Variants in LEPROT observed in about 807,000 individuals in gnomAD.
The protein encoded by LEPROT is leptin receptor overlapping transcript.
LEPROT carries 3 observed loss-of-function variants against 15.4 expected under a neutral mutation model. The observed-to-expected ratio is 0.19, with a 90% CI of 0.09 to 0.50. The LOEUF (loss-of-function observed/expected upper bound fraction) is 0.50. LEPROT is among the 20% of genes least tolerant of loss of function. The pLI, the probability that LEPROT is intolerant of heterozygous loss-of-function variation, is 0.97. For synonymous variants in LEPROT, 59 were observed against 57.5 expected (o/e 1.03, Z -0.12); for missense variants, 137 against 162.2 (o/e 0.84, Z 0.84).
intron 1 of LEPROT, 85 bp downstream of exon 1, chr1:65,420,825 G>A (rs1353104068): frequency 1.0e-5 from 15 of 1,499,022 alleles, no homozygotes; most frequent in Non-Finnish European, 1.3e-5. Context: ...CCTTCCGCGC[G>A]CCGTTGGGGA....
chr1:65,422,613 G>A (rs1332253517), intron 1 of LEPROT, among the ~76,000 whole-genome samples: 1 of 152,228 alleles, frequency 6.6e-6, no homozygotes, highest in Non-Finnish European at 1.5e-5. Flanking sequence ...GAATCTGAAG[G>A]GATCAATGTG....
chr1:65,421,250 G>A, intron 1 of LEPROT: 1 of 1,403,014 alleles, frequency 7.1e-7, no homozygotes, highest in Non-Finnish European at 9.4e-7. Context: ...GAAAGACGGT[G>A]TTTCTCGCAG....
Position 65,431,803 on chromosome 1 carries a change from A to G in LEPROT, c.280A>G (p.Ile94Val), listed in dbSNP as rs756872309. ...FPVILARVAV[I>V]KWGACGLVLA... ...TAATCCTTCTTTTCTTGTCTTTCAG[A>G]TCAAATGGGGAGCCTGCGGCCTTGT... Residue 94 changes from isoleucine (I) to valine (V), a missense_variant and splice_region_variant, in exon 4 of 4, where the codon ATC (isoleucine) becomes GTC (valine). Transcript: ENST00000371065. 3.7e-6 allele frequency: 6 copies of G among 1,612,274 alleles called. No individual in the cohort carries two copies. In the South Asian group the frequency reaches 6.6e-5, roughly 18 times the overall value.
Position 65,435,845 on chromosome 1 carries a change from T to A in LEPROT, c.*3926T>A, listed in dbSNP as rs1646555756. The A allele has an allele frequency of 1.0e-6, 1 of 982,976 alleles. No homozygotes were observed. The highest frequency in any genetic ancestry group is 6.1e-5 in the Admixed American group (1 of 16,274). 60.9% of individuals were successfully genotyped at this position (982,976 alleles called of 1,614,324 possible). A position where few individuals can be genotyped will look rare whatever the true frequency, so the allele number is the denominator to read the frequency against. On this transcript the variant is annotated 3_prime_UTR_variant, in exon 4 of 4. Transcript: ENST00000371065. ...ATTTAATTCTCCTTTTTCCATTTTGTCTCATGAAGTACCTTATTGCAAAAA... is the reference window on the plus strand; with the variant it reads ...ATTTAATTCTCCTTTTTCCATTTTGACTCATGAAGTACCTTATTGCAAAAA...
rs1168798781 is a variant in LEPROT, at chr1:65,433,930, A to G, written c.*2011A>G. 4.1e-6 allele frequency: 4 copies of G among 985,080 alleles called. No homozygotes were observed. The highest frequency in any genetic ancestry group is 1.7e-5 in the African/African-American group (1 of 57,224). 61.0% of individuals were successfully genotyped at this position (985,080 alleles called of 1,614,324 possible). A position where few individuals can be genotyped will look rare whatever the true frequency, so the allele number is the denominator to read the frequency against. ...AATCTGTCCTAACAGAACAGTAGCA[A>G]TAAGTTTTAGGATACCATCTTGAAT... On this transcript the variant is annotated 3_prime_UTR_variant, in exon 4 of 4. Transcript: ENST00000371065.
Position 65,431,901 on chromosome 1 carries a change from T to C in LEPROT, c.378T>C (p.Phe126=), listed in dbSNP as rs373533129. Residue 126 remains phenylalanine (F), a synonymous_variant, in exon 4 of 4, where the codon TTT becomes TTC. Transcript: ENST00000371065. The part of the protein sequence containing the change: ...FFLIFGRGDD[F]SWEQW ...TTATATTTGGAAGAGGAGATGATTT[T>C]AGCTGGGAGCAGTGGTAGCACTTTA... 1.1e-5 allele frequency: 17 copies of C among 1,613,952 alleles called. No individual in the cohort carries two copies. The Admixed American group carries it at 2.7e-4, about 25-fold the overall frequency.
At chr1:65,429,133 C>T (rs1281647381) in intron 2 of LEPROT, among the ~76,000 whole-genome samples, 2 of 152,022 alleles carry the variant, frequency 1.3e-5, no homozygotes, top group African/African-American at 4.8e-5. Flanking sequence ...GTGGTATGTT[C>T]GAGGGTGACC....
intron 2 of LEPROT, among the ~76,000 whole-genome samples, chr1:65,427,299 C>T (rs1484054055): frequency 6.6e-6 from 1 of 152,100 alleles, no homozygotes; most frequent in Non-Finnish European, 1.5e-5. Flanking sequence ...AGAGCCCGGC[C>T]GTGGTGGCTC....
In LEPROT at chr1:65,435,322, C is replaced by A; in HGVS notation, c.*3403C>A. ...ATGTTAATAACCTTCTTTATGTTCT[C>A]AGGGAAATGCTTAGGTGGTGTCACA... On this transcript the variant is annotated 3_prime_UTR_variant, in exon 4 of 4. Coordinates refer to ENST00000371065, the MANE Select transcript of LEPROT (RefSeq NM_017526.5). 1 of 982,306 alleles carries A rather than the reference C, an allele frequency of 1.0e-6. No individual in the cohort carries two copies. Among genetic ancestry groups the A allele is most frequent in the Non-Finnish European group, 1.2e-6 (1 of 827,898 alleles). 60.8% of individuals were successfully genotyped at this position (982,306 alleles called of 1,614,324 possible).
intron 2 of LEPROT, among the ~76,000 whole-genome samples, chr1:65,429,551 C>A (rs945272714): frequency 6.6e-6 from 1 of 152,138 alleles, no homozygotes; most frequent in African/African-American, 2.4e-5. Context: ...ATAGGGAAGG[C>A]AGAAATGACC....
At chr1:65,423,887 A>G (rs922864739) in intron 1 of LEPROT, among the ~76,000 whole-genome samples, 4 of 152,260 alleles carry the variant, frequency 2.6e-5, no homozygotes, top group African/African-American at 9.6e-5. Context: ...GAACATTGCT[A>G]AAATGAGTAG....
rs1334951927 is a variant in LEPROT, at chr1:65,433,150, C to A, written c.*1231C>A. Reference sequence around the variant, plus strand: ...TTCCTTTATGATCTGGCACTTCTCCCCAGCTCCTTCCCTCTGCCCCCCACC... The same window carrying A: ...TTCCTTTATGATCTGGCACTTCTCCACAGCTCCTTCCCTCTGCCCCCCACC... On this transcript the variant is annotated 3_prime_UTR_variant, in exon 4 of 4. Transcript: ENST00000371065. 2.0e-6 allele frequency: 2 copies of A among 985,344 alleles called. No individual in the cohort carries two copies. Among genetic ancestry groups the A allele is most frequent in the Non-Finnish European group, 2.4e-6 (2 of 829,996 alleles). 61.0% of individuals were successfully genotyped at this position (985,344 alleles called of 1,614,324 possible).
rs1398024969 is a variant in LEPROT at position 65,431,925 on chromosome 1, T to C, written c.*6T>C. 2 of 1,612,692 alleles carry C rather than the reference T, an allele frequency of 1.2e-6. No individual in the cohort carries two copies. Among genetic ancestry groups the C allele is most frequent in the Non-Finnish European group, 1.7e-6 (2 of 1,179,654 alleles). On this transcript the variant is annotated 3_prime_UTR_variant, in exon 4 of 4. Transcript: ENST00000371065. ...TTAGCTGGGAGCAGTGGTAGCACTT[T>C]ATTCTGATTACAGTGCATTGAATTT... is the stretch of plus-strand genomic sequence containing the variant.
In LEPROT at chr1:65,432,819, C is replaced by T. The variant is rs571919090; in HGVS notation, c.*900C>T. ...TAAGAGAGTAAATTTCTAATGTTCT[C>T]ATAAAAAAGTTAAATATTTGAGATC... On this transcript the variant is annotated 3_prime_UTR_variant, in exon 4 of 4. Coordinates refer to ENST00000371065, the MANE Select transcript of LEPROT (RefSeq NM_017526.5). 66 of 590,036 alleles carry T rather than the reference C, an allele frequency of 1.1e-4. No individual in the cohort carries two copies. Among genetic ancestry groups the T allele is most frequent in the African/African-American group, 1.1e-3 (54 of 49,370 alleles). The allele number at this position is 590,036 out of a possible 1,614,324, so 36.6% of individuals were successfully genotyped here. A position where few individuals can be genotyped will look rare whatever the true frequency, so the allele number is the denominator to read the frequency against.
intron 2 of LEPROT, chr1:65,428,028 T>C (rs1043233934): frequency 1.9e-5 from 3 of 155,344 alleles, no homozygotes; most frequent in Non-Finnish European, 4.3e-5. Flanking sequence ...CATTTGTTTA[T>C]GAATTATCTT....
Position 65,434,675 on chromosome 1 carries a change from G to A in LEPROT, c.*2756G>A. The A allele has an allele frequency of 1.0e-6, 1 of 985,374 alleles. No individual in the cohort carries two copies. Among genetic ancestry groups the A allele is most frequent in the Non-Finnish European group, 1.2e-6 (1 of 829,946 alleles). The allele number at this position is 985,374 out of a possible 1,614,324, so 61.0% of individuals were successfully genotyped here. On this transcript the variant is annotated 3_prime_UTR_variant, in exon 4 of 4. Coordinates refer to ENST00000371065, the MANE Select transcript of LEPROT (RefSeq NM_017526.5). ...TTCCACCCCTTTTCCTAAGAACAAG[G>A]TCTTTCTCCTTTTAATTTTTCCACT...
At chr1:65,427,380 T>C (rs552560908) in intron 2 of LEPROT, among the ~76,000 whole-genome samples, 2 of 152,102 alleles carry the variant, frequency 1.3e-5, no homozygotes, top group African/African-American at 4.8e-5. Flanking sequence ...TTGAGACCAG[T>C]CTGGGCAACA....
chr1:65,425,436 A>G (rs1646341885), intron 2 of LEPROT, 58 bp downstream of exon 2: 2 of 1,475,674 alleles, frequency 1.4e-6, no homozygotes, highest in Non-Finnish European at 1.9e-6. Context: ...CACTATTAGT[A>G]TGGGTGTTAG....
chr1:65,430,771 A>G (rs1646470079), intron 3 of LEPROT, among the ~76,000 whole-genome samples: 1 of 152,230 alleles, frequency 6.6e-6, no homozygotes, highest in Admixed American at 6.5e-5. Flanking sequence ...TCTGCTCCTG[A>G]GGAACACAGA....
Sources: allele counts gnomAD v4.1 joint callset (sites outside exome capture counted in the v4.1 genomes callset), GRCh38; gene constraint gnomAD v4.1.1; transcripts MANE v1.5; gene names NCBI Gene and HGNC (gene_info 2026-07-23, HGNC 2026-07-21).